Variants in PLXNA3 observed in about 807,000 individuals in gnomAD.
PLXNA3 encodes the protein plexin-A3.
PLXNA3 carries 52 observed loss-of-function variants against 118.8 expected under a neutral mutation model. The observed-to-expected ratio is 0.44, with a 90% CI of 0.35 to 0.55. The LOEUF is 0.55. Ranked by LOEUF, PLXNA3 falls within the 20% of genes least tolerant of loss-of-function variation. The pLI, the probability that PLXNA3 is intolerant of heterozygous loss-of-function variation, is 0.01. For synonymous variants in PLXNA3, 925 were observed against 762.4 expected, an observed-to-expected ratio of 1.21 and a Z score of -3.51; for missense variants, 1,660 against 1,730.8, an observed-to-expected ratio of 0.96 and a Z score of 0.73.
At chrX:154,460,810 C>G (rs1025404160) in intron 2 of PLXNA3, 33 bp downstream of exon 2, 5 of 1,000,426 alleles carry the variant, frequency 5.0e-6, no homozygotes, top group African/African-American at 3.8e-5. Context: ...CTTCCTCCAC[C>G]CAGTCCTGGC....
Position 154,472,579 on chromosome X carries a change from C to G in PLXNA3, c.5521-11C>G. The G allele has an allele frequency of 8.5e-7, 1 of 1,175,858 alleles. No individual in the cohort carries two copies. The highest frequency in any genetic ancestry group is 1.2e-6 in the Non-Finnish European group (1 of 862,939). Reference sequence around the variant, plus strand: ...TACAGAGCCCAGCTCCAGGGGACTCCTCTCCCCCAGATTCTCACGGCTCTG... The same window carrying G: ...TACAGAGCCCAGCTCCAGGGGACTCGTCTCCCCCAGATTCTCACGGCTCTG... On this transcript the variant is annotated splice_polypyrimidine_tract_variant and intron_variant, in intron 32 of 32. Coordinates refer to ENST00000369682, the MANE Select transcript of PLXNA3 (RefSeq NM_017514.5).
At chrX:154,470,215 C>G (rs374504306) in intron 29 of PLXNA3, 48 bp downstream of exon 29, 2 of 1,150,656 alleles carry the variant, frequency 1.7e-6, no homozygotes, top group Non-Finnish European at 2.4e-6. Flanking sequence ...GAGGTTGTCC[C>G]GGCCTTACAG....
chrX:154,461,320 C>G lies in PLXNA3; in HGVS notation c.816C>G (p.Phe272Leu), dbSNP rs782496060. The change falls in exon 3 of 33, where the codon TTC (phenylalanine) becomes TTG (leucine). Residue 272 changes from phenylalanine (F) to leucine (L), a missense_variant. Phe to Leu is a conservative substitution (Grantham distance 22). Coordinates refer to ENST00000369682, the MANE Select transcript of PLXNA3 (RefSeq NM_017514.5). ...IVRMCAGDSE[F>L]YSYVEFPIGC... is the part of the protein sequence containing the mutation. Reference sequence around the variant, plus strand: ...GCATGTGCGCGGGAGACTCAGAGTTCTACTCATACGTGGAATTCCCCATCG... The same window carrying G: ...GCATGTGCGCGGGAGACTCAGAGTTGTACTCATACGTGGAATTCCCCATCG... 9.1e-6 allele frequency: 11 copies of G among 1,211,642 alleles called. No homozygotes were observed. Among genetic ancestry groups the G allele is most frequent in the Non-Finnish European group, 1.1e-5 (10 of 895,426 alleles).
Position 154,470,618 on chromosome X carries a change from C to G in PLXNA3, c.5156+7C>G. 1 of 1,206,743 alleles carries G rather than the reference C, an allele frequency of 8.3e-7. No homozygotes were observed. The highest frequency in any genetic ancestry group is 2.2e-5 in the Admixed American group (1 of 45,971). On this transcript the variant is annotated splice_region_variant and intron_variant, in intron 30 of 32. Coordinates refer to ENST00000369682, the MANE Select transcript of PLXNA3 (RefSeq NM_017514.5). ...ACACCTGGAAGAGCAACTGGTATCA[C>G]CCCGTGCTGGGCTGCCAGCAGCCTG...
rs367916655 is a variant in PLXNA3, at chrX:154,465,389, T to A, written c.2245-35T>A. 2.2e-4 allele frequency: 246 copies of A among 1,128,956 alleles called. 1 individual carries two copies. The highest frequency in any genetic ancestry group is 7.4e-5 in the Non-Finnish European group (61 of 823,044). 93.0% of individuals were successfully genotyped at this position (1,128,956 alleles called of 1,213,427 possible). A position where few individuals can be genotyped will look rare whatever the true frequency, so the allele number is the denominator to read the frequency against. On this transcript the variant is annotated intron_variant, in intron 11 of 32. Transcript: ENST00000369682. ...AAATCTTGGGTAGGGGTTCTGCACA[T>A]CTTATCTGGGGTCCCATGGGTTCCT...
Position 154,469,665 on chromosome X carries a change from C to T in PLXNA3, c.4699-23C>T, listed in dbSNP as rs782793920. On this transcript the variant is annotated intron_variant, in intron 27 of 32. Transcript: ENST00000369682. ...GGCTTCTCAGCTTCCTGCACTGCCCCCCTCTGTCTCTGGGGCCTCCAGGTG... is the reference window on the plus strand; with the variant it reads ...GGCTTCTCAGCTTCCTGCACTGCCCTCCTCTGTCTCTGGGGCCTCCAGGTG... 5 of 1,180,365 alleles carry T rather than the reference C, an allele frequency of 4.2e-6. No homozygotes were observed. The African/African-American group carries it at 7.0e-5, about 16-fold the overall frequency.
rs147236876 is a variant in PLXNA3, at chrX:154,468,313, A to C, written c.3974A>C (p.Asn1325Thr). ...PVLKELDTPP[N>T]VEKALRLFGQ... ...TCCTGCTCCCCACAGACGCCACCCA[A>C]CGTGGAGAAGGCCCTGCGCCTCTTC... The change falls in exon 23 of 33, where the codon AAC becomes ACC. Residue 1325 changes from asparagine to threonine, a missense_variant. Coordinates refer to ENST00000369682, the MANE Select transcript of PLXNA3 (RefSeq NM_017514.5). 2.5e-6 allele frequency: 3 copies of C among 1,201,200 alleles called. No homozygotes were observed. The African/African-American group carries it at 5.3e-5, about 21-fold the overall frequency.
Position 154,466,519 on chromosome X carries a change from C to T in PLXNA3, c.2936+7C>T, listed in dbSNP as rs782724204. ...GCGAGTGCCAGTTTGTAAGGTGGGC[C>T]GGGGCCCTGCCAGCTTTGGGTTGGG... On this transcript the variant is annotated splice_region_variant and intron_variant, in intron 16 of 32. Transcript: ENST00000369682. The T allele has an allele frequency of 1.7e-5, 20 of 1,201,477 alleles. No homozygotes were observed. The highest frequency in any genetic ancestry group is 3.5e-5 in the African/African-American group (2 of 57,039).
rs782710199 is a variant in PLXNA3 at position 154,469,382 on chromosome X, G to A, written c.4598G>A (p.Trp1533Ter). 1 of 1,204,537 alleles carries A rather than the reference G, an allele frequency of 8.3e-7. No homozygotes were observed. The highest frequency in any genetic ancestry group is 1.8e-5 in the South Asian group (1 of 56,758). ...AAGGGCTGTCTGTGGCCCACAGAGT[G>A]GCGCCAGGGCCGCATGACTCGCATC... The part of the protein sequence containing the change: ...RPKAEDMDLE[W>*]RQGRMTRIIL... The change falls in exon 27 of 33, where the codon TGG (tryptophan) becomes TAG (stop). Residue 1533 changes from tryptophan to a stop codon, truncating the protein, a stop_gained. Coordinates refer to ENST00000369682, the MANE Select transcript of PLXNA3 (RefSeq NM_017514.5). LOFTEE classifies it high-confidence loss of function.
At chrX:154,462,376 G>A (rs2148246665) in intron 4 of PLXNA3, 66 bp downstream of exon 4, 1 of 393,535 alleles carries the variant, frequency 2.5e-6, no homozygotes, top group South Asian at 4.5e-5. Context: ...AGGCTGGTGG[G>A]AACACACGGG....
Position 154,472,706 on chromosome X carries a change from G to A in PLXNA3, c.*21G>A, listed in dbSNP as rs782075295. The A allele has an allele frequency of 4.5e-6, 5 of 1,099,764 alleles. No individual in the cohort carries two copies. The highest frequency in any genetic ancestry group is 2.2e-5 in the Admixed American group (1 of 45,730). The allele number at this position is 1,099,764 out of a possible 1,213,427, so 90.6% of individuals were successfully genotyped here. ...GCTAAGGTGGTGGAATCGGTGAGGA[G>A]GGGGCTTCTCAGTCCTGTGCCGTCC... On this transcript the variant is annotated 3_prime_UTR_variant, in exon 33 of 33. Transcript: ENST00000369682.
chrX:154,471,739 C>T, intron 32 of PLXNA3, 101 bp downstream of exon 32: 1 of 794,169 alleles, frequency 1.3e-6, no homozygotes. Context: ...TTCACGGTCT[C>T]TCCCCTGACC....
Position 154,470,625 on chromosome X carries a change from C to G in PLXNA3, c.5156+14C>G, listed in dbSNP as rs1557209157. ...GAAGAGCAACTGGTATCACCCCGTG[C>G]TGGGCTGCCAGCAGCCTGTCTGGAG... On this transcript the variant is annotated intron_variant, in intron 30 of 32. Transcript: ENST00000369682. 1 of 1,203,046 alleles carries G rather than the reference C, an allele frequency of 8.3e-7. No individual in the cohort carries two copies. The highest frequency in any genetic ancestry group is 1.1e-6 in the Non-Finnish European group (1 of 889,512).
chrX:154,475,895 G>A lies in PLXNA3; in HGVS notation c.*3210G>A, dbSNP rs1557210807. On this transcript the variant is annotated 3_prime_UTR_variant, in exon 33 of 33. Coordinates refer to ENST00000369682, the MANE Select transcript of PLXNA3 (RefSeq NM_017514.5). The stretch of plus-strand genomic sequence containing the variant: ...AAACAGAGCTAAATTGGGGCCAGGT[G>A]TGGTGGCTCGCACTTGTCATCCCAG... The A allele has an allele frequency of 8.9e-6, 1 of 112,456 alleles. No individual in the cohort carries two copies. Among genetic ancestry groups the A allele is most frequent in the Non-Finnish European group, 1.9e-5 (1 of 53,249 alleles). The allele number at this position is 112,456 out of a possible 1,213,427, so 9.3% of individuals were successfully genotyped here. A position where few individuals can be genotyped will look rare whatever the true frequency, so the allele number is the denominator to read the frequency against.
intron 3 of PLXNA3, 95 bp downstream of exon 3, chrX:154,461,733 T>C (rs1470298693): frequency 2.1e-5 from 19 of 906,455 alleles, no homozygotes; most frequent in East Asian, 3.1e-5. Context: ...TCCCAGGCTT[T>C]GCCATGGCCC....
chrX:154,460,444 C>T lies in PLXNA3; in HGVS notation c.261C>T (p.Ala87=), dbSNP rs782772377. The T allele has an allele frequency of 2.5e-6, 3 of 1,203,645 alleles. No homozygotes were observed. Among genetic ancestry groups the T allele is most frequent in the South Asian group, 1.8e-5 (1 of 56,242 alleles). The change falls in exon 2 of 33, where the codon GCC becomes GCT. Residue 87 remains alanine (A), a synonymous_variant. Transcript: ENST00000369682. ...CYPPPSMRVC[A]HRLAPVDNIN... ...CGCCCCCCAGCATGCGCGTGTGTGC[C>T]CACCGCCTGGCCCCCGTGGACAACA...
rs781984706 is a variant in PLXNA3 at position 154,476,823 on chromosome X, C to T, written c.*4138C>T. 3 of 112,102 alleles carry T rather than the reference C, an allele frequency of 2.7e-5. No homozygotes were observed. The highest frequency in any genetic ancestry group is 5.6e-5 in the Non-Finnish European group (3 of 53,181). The allele number at this position is 112,102 out of a possible 1,213,427, so 9.2% of individuals were successfully genotyped here. A position where few individuals can be genotyped will look rare whatever the true frequency, so the allele number is the denominator to read the frequency against. On this transcript the variant is annotated 3_prime_UTR_variant, in exon 33 of 33. Transcript: ENST00000369682. ...GTAAGCCATGCGACTGGCCCAGTGT[C>T]CTGTGTGGAGTTTCCTGGTGGAGCC...
rs782055426 is a variant in PLXNA3 at position 154,461,424 on chromosome X, C to A, written c.920C>A (p.Ala307Asp). 2.5e-6 allele frequency: 3 copies of A among 1,211,131 alleles called. No homozygotes were observed. Among genetic ancestry groups the A allele is most frequent in the South Asian group, 1.8e-5 (1 of 56,994 alleles). Residue 307 changes from alanine to aspartate, a missense_variant, in exon 3 of 33, where the codon GCC (alanine) becomes GAC (aspartate). Ala to Asp is a moderately radical substitution (Grantham distance 126, BLOSUM62 -2). Coordinates refer to ENST00000369682, the MANE Select transcript of PLXNA3 (RefSeq NM_017514.5). ...LAKPGLLLAQ[A>D]LGVPADEDVL... ...AAGCCTGGCCTGCTGCTGGCCCAGG[C>A]CCTGGGCGTGCCGGCTGATGAGGAC... is the stretch of plus-strand genomic sequence containing the variant.
At position 154,460,446 on chromosome X, in the gene PLXNA3, A is replaced by G; in HGVS notation, c.263A>G (p.His88Arg). 1 of 1,203,489 alleles carries G rather than the reference A, an allele frequency of 8.3e-7. No homozygotes were observed. The highest frequency in any genetic ancestry group is 1.1e-6 in the Non-Finnish European group (1 of 890,459). The change falls in exon 2 of 33, where the codon CAC (histidine) becomes CGC (arginine). Residue 88 changes from histidine (H) to arginine (R), a missense_variant. This residue lies in a region of PLXNA3 where 791 missense variants were observed against 652.1 expected (regional missense o/e 1.21). Coordinates refer to ENST00000369682, the MANE Select transcript of PLXNA3 (RefSeq NM_017514.5). Reference protein sequence around the residue: ...YPPPSMRVCAHRLAPVDNINK... With the variant: ...YPPPSMRVCARRLAPVDNINK... ...CCCCCCAGCATGCGCGTGTGTGCCC[A>G]CCGCCTGGCCCCCGTGGACAACATC...
Sources: gnomAD v4.1 joint callset for allele counts on GRCh38, gnomAD v4.1.1 for gene constraint, gnomAD v4.1.1 regional missense constraint, MANE v1.5 for transcripts, NCBI Gene and HGNC (gene_info 2026-07-23, HGNC 2026-07-21) for gene names.